MCHR2: variants seen among roughly 807,000 people sequenced by gnomAD.
MCHR2 encodes melanin-concentrating hormone receptor 2.
In MCHR2, 15 loss-of-function variants were observed where a neutral mutation model predicts 24.8. That is an observed-to-expected ratio of 0.60 (90% CI 0.40 to 0.93). The LOEUF (loss-of-function observed/expected upper bound fraction) is 0.93. Ranked by LOEUF, MCHR2 falls within the 40% of genes least tolerant of loss-of-function variation. The pLI is 0.00. For missense variants in MCHR2, 386 were observed against 408.7 expected (o/e 0.94, Z 0.48); for synonymous variants, 151 against 147.6 (o/e 1.02, Z -0.17).
chr6:99,978,795 A>G (rs548357138), intron 1 of MCHR2, among the ~76,000 whole-genome samples: 2 of 152,140 alleles, frequency 1.3e-5, no homozygotes, highest in African/African-American at 4.8e-5. Context: ...TGGCTAAAAA[A>G]GGCTAGGACA....
In MCHR2 at chr6:99,945,877, T is replaced by C. The variant is rs547601877; in HGVS notation, c.392+1885A>G. On this transcript the variant is annotated intron_variant, in intron 3 of 5. Coordinates refer to ENST00000281806, the MANE Select transcript of MCHR2 (RefSeq NM_001040179.2). Reference sequence around the variant, plus strand: ...ACAAAACAAAAGACTAGGAGTAAGATACCACGCCTGCATGTGTGCACACAT... The same window carrying C: ...ACAAAACAAAAGACTAGGAGTAAGACACCACGCCTGCATGTGTGCACACAT... 1.2e-4 allele frequency among the ~76,000 whole-genome samples: 18 copies of C among 152,252 alleles called. No individual in the cohort carries two copies. In the South Asian group the frequency reaches 3.5e-3, roughly 30 times the overall value.
At chr6:99,925,433 T>C (rs939742332) in intron 5 of MCHR2, among the ~76,000 whole-genome samples, 1 of 152,132 alleles carries the variant, frequency 6.6e-6, no homozygotes, top group Non-Finnish European at 1.5e-5. Flanking sequence ...ACTCCTGCCA[T>C]TTTAAAATTT....
chr6:99,979,406 C>T (rs1775621868), intron 1 of MCHR2, among the ~76,000 whole-genome samples: 1 of 152,102 alleles, frequency 6.6e-6, no homozygotes, highest in African/African-American at 2.4e-5. Context: ...CCCTACAACC[C>T]CAGTAGCCAC....
chr6:99,968,366 A>G (rs554083569), intron 1 of MCHR2, among the ~76,000 whole-genome samples: 4 of 152,208 alleles, frequency 2.6e-5, no homozygotes, highest in Non-Finnish European at 5.9e-5. Flanking sequence ...ATCTTTATAT[A>G]TTGATATTGT....
chr6:99,941,240 C>CTT (rs112421841), intron 4 of MCHR2, among the ~76,000 whole-genome samples: 17,467 of 120,484 alleles, frequency 0.14, 1,714 homozygotes, highest in African/African-American at 0.2. Context: ...GGCTTGGAGG[C>CTT]TTTTTTTTTT....
intron 4 of MCHR2, among the ~76,000 whole-genome samples, chr6:99,936,768 A>T (rs960368441): frequency 3.3e-5 from 5 of 151,934 alleles, no homozygotes; most frequent in African/African-American, 1.2e-4. Flanking sequence ...GAATCTGTAC[A>T]TTGCTTTGGG....
intron 5 of MCHR2, among the ~76,000 whole-genome samples, chr6:99,922,522 G>A (rs1327037183): frequency 1.3e-5 from 2 of 152,154 alleles, no homozygotes; most frequent in African/African-American, 4.8e-5. Flanking sequence ...ATAGTTTGAA[G>A]TCTTAGATTT....
intron 5 of MCHR2, among the ~76,000 whole-genome samples, chr6:99,925,583 G>A (rs1051914522): frequency 5.3e-5 from 8 of 151,446 alleles, no homozygotes; most frequent in African/African-American, 7.3e-5. Context: ...CTGATTTGAG[G>A]TTGCCATAAG....
intron 1 of MCHR2, among the ~76,000 whole-genome samples, chr6:99,964,434 T>C (rs1010493161): frequency 1.3e-5 from 2 of 151,892 alleles, no homozygotes; most frequent in African/African-American, 4.8e-5. Context: ...TTTAGTTGAC[T>C]CACAATTCTG....
rs199839045 is a variant in MCHR2, at chr6:99,925,794, G to GT, written c.708-4540dup. Reference sequence around the variant, plus strand: ...AAAAGTTGTTGTAGTTATTATTTTTGTTTTTTTTGTTATTTTATTTTATTT... The same window carrying GT: ...AAAAGTTGTTGTAGTTATTATTTTTGTTTTTTTTTGTTATTTTATTTTATTT... On this transcript the variant is annotated intron_variant, in intron 5 of 5. Coordinates refer to ENST00000281806, the MANE Select transcript of MCHR2 (RefSeq NM_001040179.2). 4.6e-3 allele frequency among the ~76,000 whole-genome samples: 688 copies of GT among 149,534 alleles called. 8 individuals are homozygous for GT. The highest frequency in any genetic ancestry group is 0.016 in the African/African-American group (644 of 40,882).
intron 1 of MCHR2, among the ~76,000 whole-genome samples, chr6:99,969,646 C>T (rs1451665228): frequency 6.6e-6 from 1 of 151,044 alleles, no homozygotes; most frequent in Admixed American, 6.6e-5. Context: ...TATACATGTG[C>T]CATGTTGGTG....
At chr6:99,929,543 T>G (rs1036676954) in intron 5 of MCHR2, among the ~76,000 whole-genome samples, 17 of 152,116 alleles carry the variant, frequency 1.1e-4, no homozygotes, top group Admixed American at 3.9e-4. Context: ...GCATATATAT[T>G]TAGGATAGTT....
intron 5 of MCHR2, among the ~76,000 whole-genome samples, chr6:99,927,003 A>G (rs1227738047): frequency 1.3e-5 from 2 of 152,092 alleles, no homozygotes; most frequent in Non-Finnish European, 2.9e-5. Context: ...ATGTTGAATT[A>G]ATTTTTGTAT....
At chr6:99,993,191 A>G (rs919871902) in intron 1 of MCHR2, among the ~76,000 whole-genome samples, 2 of 152,196 alleles carry the variant, frequency 1.3e-5, no homozygotes, top group East Asian at 1.9e-4. Flanking sequence ...ATTAAAAAAT[A>G]CAAGAAGCAC....
intron 1 of MCHR2, among the ~76,000 whole-genome samples, chr6:99,971,377 A>C (rs1775415493): frequency 1.3e-5 from 2 of 151,774 alleles, no homozygotes; most frequent in African/African-American, 2.4e-5. Context: ...TTATTGGTGT[A>C]TAAGAATGCT....
Position 99,919,071 on chromosome 6 carries a change from G to A in MCHR2, c.*1869C>T, listed in dbSNP as rs1206623012. 2.0e-5 allele frequency among the ~76,000 whole-genome samples: 3 copies of A among 152,190 alleles called. No individual in the cohort carries two copies. The highest frequency in any genetic ancestry group is 3.9e-4 in the East Asian group (2 of 5,188). On this transcript the variant is annotated 3_prime_UTR_variant, in exon 6 of 6. Transcript: ENST00000281806. Reference sequence around the variant, plus strand: ...GAAGTCAATATTATTCACTGAGCCCGGACTGTTGCATCTTAGAAAAGTGAG... The same window carrying A: ...GAAGTCAATATTATTCACTGAGCCCAGACTGTTGCATCTTAGAAAAGTGAG...
At chr6:99,930,510 C>T (rs1475446087) in intron 5 of MCHR2, among the ~76,000 whole-genome samples, 2 of 152,104 alleles carry the variant, frequency 1.3e-5, no homozygotes, top group East Asian at 3.8e-4. Flanking sequence ...TCACATAGTC[C>T]CATATTTCTT....
chr6:99,990,813 C>A (rs1775858816), intron 1 of MCHR2, among the ~76,000 whole-genome samples: 1 of 151,190 alleles, frequency 6.6e-6, no homozygotes, highest in South Asian at 2.1e-4. Flanking sequence ...CAGAGGAGAC[C>A]CAATCCTGGA....
intron 4 of MCHR2, 129 bp from the exon 5 acceptor site, chr6:99,934,646 T>G (rs943268353): frequency 2.5e-6 from 2 of 804,802 alleles, no homozygotes; most frequent in Admixed American, 4.0e-5. Context: ...TGAAAGTCCT[T>G]GTGGAAAAGC....
Sources: allele counts gnomAD v4.1 joint callset (sites outside exome capture counted in the v4.1 genomes callset), GRCh38; gene constraint gnomAD v4.1.1; transcripts MANE v1.5; gene names NCBI Gene and HGNC (gene_info 2026-07-23, HGNC 2026-07-21).